Variants in KIF6 observed in about 807,000 individuals in gnomAD.
KIF6 encodes the protein kinesin-like protein KIF6.
Under a neutral mutation model 112.7 loss-of-function variants are expected in KIF6, and 106 were observed. The observed-to-expected ratio is 0.94, with a 90% CI of 0.80 to 1.11. KIF6 has a LOEUF of 1.11. KIF6 is among the 50% of genes least tolerant of loss of function. The pLI, the probability that KIF6 is intolerant of heterozygous loss-of-function variation, is 0.00. For missense variants in KIF6, 929 were observed against 964.0 expected (o/e 0.96, Z 0.48); for synonymous variants, 339 against 339.9 (o/e 1.00, Z 0.03).
At chr6:39,551,880 A>G (rs1435583314) in intron 10 of KIF6, among the ~76,000 whole-genome samples, 1 of 152,222 alleles carries the variant, frequency 6.6e-6, no homozygotes, top group Non-Finnish European at 1.5e-5. Flanking sequence ...TATTAGCTTT[A>G]CGAAATCAGA....
At chr6:39,381,697 T>C (rs1766963046) in intron 16 of KIF6, among the ~76,000 whole-genome samples, 1 of 152,202 alleles carries the variant, frequency 6.6e-6, no homozygotes, top group Non-Finnish European at 1.5e-5. Flanking sequence ...GACAACCTCC[T>C]AAGGAGCTTG....
At chr6:39,622,799 A>T (rs1368401523) in intron 5 of KIF6, among the ~76,000 whole-genome samples, 1 of 152,210 alleles carries the variant, frequency 6.6e-6, no homozygotes, top group Non-Finnish European at 1.5e-5. Flanking sequence ...AGAAATGTGC[A>T]CGAGATGCTG....
intron 3 of KIF6, among the ~76,000 whole-genome samples, chr6:39,657,590 A>C (rs56002751): frequency 0.047 from 7,174 of 152,332 alleles, 244 homozygotes; most frequent in South Asian, 0.07. Flanking sequence ...TGACAAACAT[A>C]AAAGTTGTGC....
At chr6:39,687,355 C>T (rs1417400606) in intron 3 of KIF6, among the ~76,000 whole-genome samples, 1 of 152,166 alleles carries the variant, frequency 6.6e-6, no homozygotes, top group Admixed American at 6.5e-5. Flanking sequence ...CAACATCGGG[C>T]TCTTAAGAAA....
chr6:39,414,565 C>A (rs113614289), intron 15 of KIF6, among the ~76,000 whole-genome samples: 1 of 152,188 alleles, frequency 6.6e-6, no homozygotes, highest in East Asian at 1.9e-4. Context: ...GGACTTCAGC[C>A]CCACTCACTG....
At chr6:39,541,749 G>A (rs988938878) in intron 12 of KIF6, among the ~76,000 whole-genome samples, 4 of 152,168 alleles carry the variant, frequency 2.6e-5, no homozygotes, top group African/African-American at 9.7e-5. Flanking sequence ...GCTATACATT[G>A]GGTGCTACAA....
At chr6:39,610,913 TAAAC>T (rs1199042147) in intron 6 of KIF6, among the ~76,000 whole-genome samples, 1 of 152,132 alleles carries the variant, frequency 6.6e-6, no homozygotes, top group Non-Finnish European at 1.5e-5. Flanking sequence ...ATAAACAAAT[TAAAC>T]AAAAATTAAT....
chr6:39,535,451 C>G (rs1371081660), intron 13 of KIF6, among the ~76,000 whole-genome samples: 9 of 152,074 alleles, frequency 5.9e-5, no homozygotes, highest in Admixed American at 1.3e-4. Flanking sequence ...CAACAAAGAT[C>G]AAAAGAGACA....
intron 6 of KIF6, among the ~76,000 whole-genome samples, chr6:39,601,083 A>G (rs766528232): frequency 5.9e-5 from 9 of 151,982 alleles, no homozygotes; most frequent in Non-Finnish European, 1.2e-4. Flanking sequence ...TCTTACCTCA[A>G]TTGTTCTGTA....
rs1026135004 is a variant in KIF6 at position 39,330,506 on chromosome 6, G to C, written c.*6026C>G. ...AAAAGACAAACCCAGGAGATGTTTC[G>C]GAGAAAAGAAAACAACAACATCCCA... On this transcript the variant is annotated 3_prime_UTR_variant, in exon 23 of 23. Transcript: ENST00000287152. The C allele has an allele frequency of 6.6e-6, 1 of 152,248 alleles. No homozygotes were observed. The highest frequency in any genetic ancestry group is 2.4e-5 in the African/African-American group (1 of 41,436). 9.4% of individuals were successfully genotyped at this position (152,248 alleles called of 1,614,324 possible).
intron 11 of KIF6, among the ~76,000 whole-genome samples, chr6:39,545,031 T>C (rs1438709975): frequency 1.3e-5 from 2 of 152,230 alleles, no homozygotes; most frequent in Non-Finnish European, 2.9e-5. Flanking sequence ...CTAGTACTTA[T>C]CATGTATTGT....
chr6:39,543,939 A>G (rs1298716073), intron 12 of KIF6, among the ~76,000 whole-genome samples: 1 of 144,698 alleles, frequency 6.9e-6, no homozygotes, highest in Admixed American at 8.5e-5. Flanking sequence ...CAGTTTAGCT[A>G]AAAAAAAGAA....
chr6:39,395,608 G>A (rs1191573990), intron 15 of KIF6, among the ~76,000 whole-genome samples: 7 of 152,330 alleles, frequency 4.6e-5, no homozygotes, highest in African/African-American at 9.6e-5. Context: ...GAAATGTTGT[G>A]GGGGGTGAGG....
At chr6:39,344,811 C>T (rs1196070662) in intron 21 of KIF6, among the ~76,000 whole-genome samples, 1 of 152,180 alleles carries the variant, frequency 6.6e-6, no homozygotes, top group Non-Finnish European at 1.5e-5. Flanking sequence ...TTACTGTTCT[C>T]CTGTCTCTCC....
chr6:39,449,407 T>C (rs1772542125), intron 13 of KIF6, among the ~76,000 whole-genome samples: 1 of 152,238 alleles, frequency 6.6e-6, no homozygotes, highest in Non-Finnish European at 1.5e-5. Context: ...GCCTTTCAGC[T>C]GCTCAACTAT....
intron 13 of KIF6, among the ~76,000 whole-genome samples, chr6:39,443,029 G>A (rs1474236980): frequency 4.0e-5 from 6 of 151,452 alleles, no homozygotes; most frequent in African/African-American, 1.5e-4. Context: ...CAGAAGAATG[G>A]CGTGAACCCG....
At chr6:39,446,372 A>G (rs1003342377) in intron 13 of KIF6, among the ~76,000 whole-genome samples, 6 of 152,308 alleles carry the variant, frequency 3.9e-5, no homozygotes, top group African/African-American at 1.4e-4. Context: ...ATGAGCCCCC[A>G]AAGGCATGTG....
chr6:39,346,379 C>G (rs1412676118), intron 20 of KIF6, 97 bp downstream of exon 20: 1 of 712,682 alleles, frequency 1.4e-6, no homozygotes, highest in Non-Finnish European at 2.6e-6. Flanking sequence ...GATTAGAGTC[C>G]TTATAAAAGA....
chr6:39,374,766 T>G (rs1766299018), intron 16 of KIF6, among the ~76,000 whole-genome samples: 1 of 152,186 alleles, frequency 6.6e-6, no homozygotes, highest in African/African-American at 2.4e-5. Context: ...TTGTACACTG[T>G]TGGTGGAAAT....
Sources: allele counts gnomAD v4.1 joint callset (sites outside exome capture counted in the v4.1 genomes callset), GRCh38; gene constraint gnomAD v4.1.1; transcripts MANE v1.5; gene names NCBI Gene and HGNC (gene_info 2026-07-23, HGNC 2026-07-21).